THRB: variants seen among roughly 807,000 people sequenced by gnomAD.
THRB encodes thyroid hormone receptor beta.
Under a neutral mutation model 47.8 loss-of-function variants are expected in THRB, and 12 were observed. The observed-to-expected ratio is 0.25, with a 90% confidence interval of 0.16 to 0.41. The LOEUF (loss-of-function observed/expected upper bound fraction) is 0.41. Ranked by LOEUF, THRB falls within the 10% of genes least tolerant of loss-of-function variation. The probability of loss-of-function intolerance (pLI) is 1.00; values close to 1 mark genes in which losing one functional copy is unlikely to be tolerated. For missense variants in THRB, 348 were observed against 589.2 expected, an observed-to-expected ratio of 0.59 and a Z score of 4.24; for synonymous variants, 218 against 212.2, an observed-to-expected ratio of 1.03 and a Z score of -0.24.
chr3:24,264,116 T>C (rs1289759019), intron 3 of THRB, among the ~76,000 whole-genome samples: 3 of 152,170 alleles, frequency 2.0e-5, no homozygotes, highest in African/African-American at 4.8e-5. Context: ...AAGTTCCCCA[T>C]TCCCCCTGAT....
intron 2 of THRB, among the ~76,000 whole-genome samples, chr3:24,305,490 G>A (rs9850879): frequency 0.4 from 61,178 of 151,966 alleles, 12,531 homozygotes; most frequent in Admixed American, 0.47. Flanking sequence ...CAGTATTAAT[G>A]TTAGCAGCTG....
chr3:24,208,969 C>G (rs1218508691), intron 4 of THRB, among the ~76,000 whole-genome samples: 1 of 152,146 alleles, frequency 6.6e-6, no homozygotes, highest in Admixed American at 6.5e-5. Flanking sequence ...TATCCAGAAT[C>G]TACAAAGAAC....
chr3:24,126,184 G>C (rs907403411), intron 10 of THRB, among the ~76,000 whole-genome samples: 3 of 152,118 alleles, frequency 2.0e-5, no homozygotes, highest in Non-Finnish European at 4.4e-5. Context: ...CTTGAGCCCA[G>C]GAGTTCAAGA....
At chr3:24,211,992 G>C (rs749391728) in intron 4 of THRB, among the ~76,000 whole-genome samples, 1 of 152,226 alleles carries the variant, frequency 6.6e-6, no homozygotes, top group Non-Finnish European at 1.5e-5. Context: ...GGCTGGGCAC[G>C]GTGGTTCACG....
At chr3:24,124,729 A>C (rs1559392956) in intron 10 of THRB, among the ~76,000 whole-genome samples, 2 of 152,204 alleles carry the variant, frequency 1.3e-5, no homozygotes, top group East Asian at 3.8e-4. Flanking sequence ...GCTCTTGGAA[A>C]AGTCTTTGAA....
chr3:24,158,356 T>G (rs996293706), intron 5 of THRB, among the ~76,000 whole-genome samples: 10 of 151,526 alleles, frequency 6.6e-5, no homozygotes, highest in Non-Finnish European at 1.5e-4. Context: ...TAAAGAAATA[T>G]TTCACATAAT....
intron 2 of THRB, among the ~76,000 whole-genome samples, chr3:24,326,608 G>T (rs956678680): frequency 6.6e-6 from 1 of 152,030 alleles, no homozygotes; most frequent in African/African-American, 2.4e-5. Context: ...GTTTTGCATA[G>T]AGAAAAGCTT....
chr3:24,357,364 A>AAC (rs2063749973), intron 1 of THRB, among the ~76,000 whole-genome samples: 1 of 147,250 alleles, frequency 6.8e-6, no homozygotes, highest in Non-Finnish European at 1.5e-5. Context: ...AAAAAAAAAA[A>AAC]AAAAAAAAAA....
At chr3:24,484,468 T>C (rs932098881) in intron 1 of THRB, among the ~76,000 whole-genome samples, 10 of 152,258 alleles carry the variant, frequency 6.6e-5, no homozygotes, top group African/African-American at 1.9e-4. Context: ...GATTACATGT[T>C]AATAATATTC....
chr3:24,495,214 T>A (rs1361631272), upstream of THRB: 15 of 152,718 alleles, frequency 9.8e-5, no homozygotes, highest in Admixed American at 9.8e-4. Flanking sequence ...GCTGTCCGAC[T>A]TGCGCGGCGG....
chr3:24,373,055 G>T (rs2065031636), intron 1 of THRB, among the ~76,000 whole-genome samples: 1 of 152,038 alleles, frequency 6.6e-6, no homozygotes, highest in African/African-American at 2.4e-5. Context: ...GAGTCCCCCA[G>T]CAAATGTGAA....
intron 1 of THRB, among the ~76,000 whole-genome samples, chr3:24,470,855 G>T (rs1347848543): frequency 1.3e-4 from 20 of 152,178 alleles, no homozygotes; most frequent in Admixed American, 1.2e-3. Context: ...GACCTCAAGT[G>T]ATCAGCCTGC....
intron 2 of THRB, among the ~76,000 whole-genome samples, chr3:24,300,660 C>A (rs567696790): frequency 2.8e-4 from 42 of 152,240 alleles, no homozygotes; most frequent in Non-Finnish European, 4.7e-4. Context: ...GTATTAGACT[C>A]CCCCCATCTC....
chr3:24,474,356 T>C (rs1366500701), intron 1 of THRB, among the ~76,000 whole-genome samples: 1 of 152,168 alleles, frequency 6.6e-6, no homozygotes, highest in East Asian at 1.9e-4. Context: ...GGGCACAGGG[T>C]AAGAAAATGC....
chr3:24,437,008 AT>A (rs1397457100), intron 1 of THRB, among the ~76,000 whole-genome samples: 2 of 151,894 alleles, frequency 1.3e-5, no homozygotes, highest in Non-Finnish European at 2.9e-5. Context: ...CAGTCCCTGC[AT>A]CAATCAAATG....
intron 1 of THRB, among the ~76,000 whole-genome samples, chr3:24,378,910 A>C (rs1054850614): frequency 6.6e-6 from 1 of 152,146 alleles, no homozygotes; most frequent in African/African-American, 2.4e-5. Flanking sequence ...CAGCAACTCA[A>C]ATATAACTGT....
intron 8 of THRB, among the ~76,000 whole-genome samples, chr3:24,138,489 T>C (rs959285389): frequency 1.3e-5 from 2 of 152,272 alleles, no homozygotes; most frequent in Admixed American, 1.3e-4. Flanking sequence ...CTTGTATCTA[T>C]TGCTTTATGC....
intron 9 of THRB, among the ~76,000 whole-genome samples, chr3:24,129,207 T>A (rs2033429099): frequency 6.6e-6 from 1 of 152,176 alleles, no homozygotes; most frequent in South Asian, 2.1e-4. Flanking sequence ...GCTCATTTTT[T>A]AAAAAGCACT....
chr3:24,384,603 A>G (rs1248147772), intron 1 of THRB, among the ~76,000 whole-genome samples: 1 of 152,152 alleles, frequency 6.6e-6, no homozygotes, highest in Non-Finnish European at 1.5e-5. Flanking sequence ...CACCCTTAGT[A>G]TAATTTACCA....
Sources: gnomAD v4.1 joint callset for allele counts (sites outside exome capture counted in the v4.1 genomes callset) on GRCh38, gnomAD v4.1.1 for gene constraint, MANE v1.5 for transcripts, NCBI Gene and HGNC (gene_info 2026-07-23, HGNC 2026-07-21) for gene names.